The following DHODH variants were observed in gnomAD, a reference collection of about 807,000 sequenced individuals.
DHODH encodes the protein dihydroorotate dehydrogenase (quinone), mitochondrial.
In DHODH, 30 loss-of-function variants were observed where a neutral mutation model predicts 39.7. The observed-to-expected ratio is 0.76, with a 90% CI of 0.57 to 1.02. The LOEUF (loss-of-function observed/expected upper bound fraction) is 1.02. Among genes scored for constraint, DHODH ranks in the 50% least tolerant of loss-of-function variants. The pLI is 0.00. For synonymous variants in DHODH, 222 were observed against 213.8 expected (o/e 1.04, Z -0.34); for missense variants, 531 against 520.8 (o/e 1.02, Z -0.19).
chr16:72,008,881 C>G lies in DHODH; in HGVS notation c.21+96C>G. 1.9e-6 allele frequency: 3 copies of G among 1,549,606 alleles called. No homozygotes were observed. The East Asian group carries it at 7.3e-5, about 38-fold the overall frequency. On this transcript the variant is annotated intron_variant, in intron 1 of 8. Coordinates refer to ENST00000219240, the MANE Select transcript of DHODH (RefSeq NM_001361.5). ...CGGGCGAGGCATGGACCGAAGGCGG[C>G]TCCGGGAGTGTGGGCCCCCCTGGGA...
rs1393308465 is a variant in DHODH at position 72,025,795 on chromosome 16, CCTGAAGGCAG to C, written c.*1599_*1608del. 1 of 152,234 alleles carries C rather than the reference CCTGAAGGCAG, an allele frequency of 6.6e-6. No individual in the cohort carries two copies. The highest frequency in any genetic ancestry group is 1.5e-5 in the Non-Finnish European group (1 of 68,098). 9.4% of individuals were successfully genotyped at this position (152,234 alleles called of 1,614,324 possible). A position where few individuals can be genotyped will look rare whatever the true frequency, so the allele number is the denominator to read the frequency against. On this transcript the variant is annotated 3_prime_UTR_variant, in exon 9 of 9. Transcript: ENST00000219240. The stretch of plus-strand genomic sequence containing the variant: ...CTGTGAGGCCTGAAGACAGAGCTGC[CCTGAAGGCAG>C]CTCATGTCCACTGAACACTGACTGT...
rs1555531493 is a variant in DHODH at position 72,027,009 on chromosome 16, G to GTGTTTT, written c.*2811_*2812insGTTTTT. The GTGTTTT allele has an allele frequency of 5.7e-5, 4 of 69,630 alleles. No individual in the cohort carries two copies. Among genetic ancestry groups the GTGTTTT allele is most frequent in the Admixed American group, 2.5e-4 (2 of 8,042 alleles). 4.3% of individuals were successfully genotyped at this position (69,630 alleles called of 1,614,324 possible). On this transcript the variant is annotated 3_prime_UTR_variant, in exon 9 of 9. Coordinates refer to ENST00000219240, the MANE Select transcript of DHODH (RefSeq NM_001361.5). ...TGTGTGTGTGTGTGTGTGTGTGTGT[G>GTGTTTT]TTTTTGAGATGGAGTCCTGCTCTGT...
Position 72,025,178 on chromosome 16 carries a change from C to G in DHODH, c.*979C>G, listed in dbSNP as rs2041265697. 6.6e-6 allele frequency: 1 copy of G among 152,218 alleles called. No homozygotes were observed. The highest frequency in any genetic ancestry group is 1.5e-5 in the Non-Finnish European group (1 of 68,052). 9.4% of individuals were successfully genotyped at this position (152,218 alleles called of 1,614,324 possible). On this transcript the variant is annotated 3_prime_UTR_variant, in exon 9 of 9. Transcript: ENST00000219240. Reference sequence around the variant, plus strand: ...TTTACTAGCAATTCAAACGGTACAGCACTCTTGAAGTGTAAACATTCCTGT... The same window carrying G: ...TTTACTAGCAATTCAAACGGTACAGGACTCTTGAAGTGTAAACATTCCTGT...
At chr16:72,015,832 T>A in intron 3 of DHODH, 1 of 985,480 alleles carries the variant, frequency 1.0e-6, no homozygotes, top group Non-Finnish European at 1.2e-6. Flanking sequence ...GCCCTGTGTG[T>A]GCGGCCTCCT....
intron 5 of DHODH, 79 bp downstream of exon 5, chr16:72,021,390 T>C (rs899886753): frequency 1.7e-5 from 25 of 1,460,338 alleles, no homozygotes; most frequent in Non-Finnish European, 2.3e-5. Flanking sequence ...AGGGCGAACC[T>C]TCAGCATCAC....
At chr16:72,019,407 A>G (rs779756911) in intron 4 of DHODH, among the ~76,000 whole-genome samples, 2 of 152,156 alleles carry the variant, frequency 1.3e-5, no homozygotes, top group Non-Finnish European at 2.9e-5. Flanking sequence ...CTGACAACAC[A>G]TTTTGTGAGC....
chr16:72,015,913 T>C (rs2041136978), intron 3 of DHODH: 2 of 973,964 alleles, frequency 2.1e-6, no homozygotes, highest in Admixed American at 6.2e-5. Context: ...TCATCAGATA[T>C]GTGTGCCAGT....
chr16:72,022,345 G>T lies in DHODH; in HGVS notation c.706-17G>T. 6.5e-7 allele frequency: 1 copy of T among 1,547,486 alleles called. No homozygotes were observed. ...GTGGTCTGCGGGGTCCCCAGCTCTG[G>T]CCGTGTGTCGCCCTAGGTGCTGCAG... is the stretch of plus-strand genomic sequence containing the variant. On this transcript the variant is annotated splice_polypyrimidine_tract_variant and intron_variant, in intron 5 of 8. Transcript: ENST00000219240.
At position 72,021,074 on chromosome 16, in the gene DHODH, G is replaced by T. The variant is rs533490624; in HGVS notation, c.518-50G>T. 42 of 1,538,090 alleles carry T rather than the reference G, an allele frequency of 2.7e-5. No homozygotes were observed. The East Asian group carries it at 1.0e-3, about 36-fold the overall frequency. ...TTGGTCAAGGGCAGCCTCAGAAGGT[G>T]GCACAGGAAAGGGTGTGCGGGGTGC... On this transcript the variant is annotated intron_variant, in intron 4 of 8. Transcript: ENST00000219240.
chr16:72,023,207 C>T lies in DHODH; in HGVS notation c.862C>T (p.Arg288Cys), dbSNP rs762591793. Residue 288 changes from arginine to cysteine, a missense_variant, in exon 7 of 9, where the codon CGC becomes TGC. By Grantham distance (180) the Arg-to-Cys change is radical (BLOSUM62 -3). Transcript: ENST00000219240. ...GATTGTTACGAACACCACCGTGAGT[C>T]GCCCTGCGGGCCTCCAGGGTGCCCT... ...GLIVTNTTVS[R>C]PAGLQGALRS... The T allele has an allele frequency of 3.7e-6, 6 of 1,614,092 alleles. No homozygotes were observed. Among genetic ancestry groups the T allele is most frequent in the African/African-American group, 2.7e-5 (2 of 74,934 alleles).
At chr16:72,010,118 T>G (rs1428889215) in intron 1 of DHODH, among the ~76,000 whole-genome samples, 1 of 152,218 alleles carries the variant, frequency 6.6e-6, no homozygotes, top group East Asian at 1.9e-4. Context: ...TCATGTCATT[T>G]CCTGGCTTAG....
chr16:72,015,861 A>G (rs2041136387), intron 3 of DHODH: 1 of 985,344 alleles, frequency 1.0e-6, no homozygotes, highest in Non-Finnish European at 1.2e-6. Flanking sequence ...GGCATGTGGT[A>G]AGTGTGTAGT....
At chr16:72,013,025 G>A (rs1350652401) in intron 2 of DHODH, among the ~76,000 whole-genome samples, 1 of 152,178 alleles carries the variant, frequency 6.6e-6, no homozygotes, top group African/African-American at 2.4e-5. Flanking sequence ...CTTTCGAGAG[G>A]CTTCTTACCA....
chr16:72,016,231 T>TA (rs2041140237), intron 3 of DHODH: 4 of 153,154 alleles, frequency 2.6e-5, no homozygotes, highest in African/African-American at 7.2e-5. Context: ...GGCATACACT[T>TA]ACGCTTCCCT....
At chr16:72,015,492 C>T (rs2041132607) in intron 3 of DHODH, 1 of 162,694 alleles carries the variant, frequency 6.1e-6, no homozygotes, top group African/African-American at 2.4e-5. Context: ...GAAGTGCTTA[C>T]TTTTTGGTAA....
At chr16:72,020,082 C>G (rs2041186909) in intron 4 of DHODH, among the ~76,000 whole-genome samples, 1 of 151,956 alleles carries the variant, frequency 6.6e-6, no homozygotes, top group African/African-American at 2.4e-5. Flanking sequence ...TGGAGACCAT[C>G]CTGGCCAACA....
chr16:72,020,329 G>GTATATATATATATATATGTGTATA (rs1555530877), intron 4 of DHODH: 1 of 102,202 alleles, frequency 9.8e-6, no homozygotes, highest in African/African-American at 4.5e-5. Flanking sequence ...ATGTATATGT[G>GTATATATATATATATATGTGTATA]TATATATATA....
intron 1 of DHODH, 195 bp downstream of exon 1, chr16:72,008,980 G>T (rs2041051273): frequency 1.4e-6 from 2 of 1,477,826 alleles, no homozygotes; most frequent in African/African-American, 2.8e-5. Context: ...TCAGGCGTGT[G>T]CAGACAGCGC....
rs982867512 is a variant in DHODH at position 72,014,257 on chromosome 16, GC to G, written c.235-215del. 4.0e-4 allele frequency among the ~76,000 whole-genome samples: 61 copies of G among 152,258 alleles called. 1 individual carries two copies. The highest frequency in any genetic ancestry group is 1.3e-3 in the African/African-American group (52 of 41,540). On this transcript the variant is annotated intron_variant, in intron 2 of 8. Transcript: ENST00000219240. Reference sequence around the variant, plus strand: ...AAAGCCCCGTGGTTTTCAAACTCTAGCTGGTGTCACAGTCCCCTGGAGAGCC... The same window carrying G: ...AAAGCCCCGTGGTTTTCAAACTCTAGTGGTGTCACAGTCCCCTGGAGAGCC...
Sources: allele counts gnomAD v4.1 joint callset (sites outside exome capture counted in the v4.1 genomes callset), GRCh38; gene constraint gnomAD v4.1.1; transcripts MANE v1.5; gene names NCBI Gene and HGNC (gene_info 2026-07-23, HGNC 2026-07-21).